Variants in RIMKLB observed in about 807,000 individuals in gnomAD.
RIMKLB encodes beta-citrylglutamate synthase B.
A neutral mutation model predicts 32.0 loss-of-function variants in RIMKLB; 7 were observed. The observed-to-expected ratio is 0.22, with a 90% CI of 0.12 to 0.41. RIMKLB has a LOEUF of 0.41. Ranked by LOEUF, RIMKLB falls within the 10% of genes least tolerant of loss-of-function variation. The probability of loss-of-function intolerance (pLI) is 1.00; values close to 1 mark genes in which losing one functional copy is unlikely to be tolerated. For synonymous variants in RIMKLB, 172 were observed against 185.1 expected (o/e 0.93, Z 0.57); for missense variants, 289 against 498.7 (o/e 0.58, Z 4.00).
upstream of RIMKLB, among the ~76,000 whole-genome samples, chr12:8,694,954 GACTT>G (rs1010830286): frequency 5.3e-5 from 8 of 152,120 alleles, no homozygotes; most frequent in African/African-American, 1.7e-4. Flanking sequence ...CATTCACTGA[GACTT>G]ACTATGTTAT....
chr12:8,748,237 A>G (rs1407772363), intron 2 of RIMKLB, among the ~76,000 whole-genome samples: 1 of 152,090 alleles, frequency 6.6e-6, no homozygotes, highest in Non-Finnish European at 1.5e-5. Context: ...TTTGCTTCCC[A>G]TGGTTTTGCA....
At chr12:8,770,090 G>A (rs1349693536) in intron 5 of RIMKLB, among the ~76,000 whole-genome samples, 1 of 150,956 alleles carries the variant, frequency 6.6e-6, no homozygotes, top group African/African-American at 2.4e-5. Flanking sequence ...CTCCTATCTT[G>A]GCCTCCCACA....
chr12:8,676,992 C>G (rs980157820), upstream of RIMKLB, among the ~76,000 whole-genome samples: 2 of 152,124 alleles, frequency 1.3e-5, no homozygotes, highest in African/African-American at 2.4e-5. Flanking sequence ...TAGTCCACAC[C>G]AAGAAATCAG....
chr12:8,673,923 A>T, the RIMKLB span, among the ~76,000 whole-genome samples: 1 of 152,042 alleles, frequency 6.6e-6, no homozygotes, highest in Non-Finnish European at 1.5e-5. Context: ...CAGCACAATC[A>T]TGGGTTGAGA....
Position 8,758,051 on chromosome 12 carries a change from C to G in RIMKLB, c.697+3958C>G, listed in dbSNP as rs1207108110. ...GCTCAAGCTATCCTCCTGCCTCTTG[C>G]CTCCCTGAGAGCTGGGATTACAGGC... On this transcript the variant is annotated intron_variant, in intron 5 of 5. Coordinates refer to ENST00000535829, the MANE Select transcript of RIMKLB (RefSeq NM_001297776.2). Among the ~76,000 whole-genome samples, 3 of 151,938 alleles carry G rather than the reference C, an allele frequency of 2.0e-5. No homozygotes were observed. In the East Asian group the frequency reaches 5.8e-4, roughly 29 times the overall value.
chr12:8,770,817 C>T (rs757515447), intron 5 of RIMKLB, among the ~76,000 whole-genome samples: 1 of 152,352 alleles, frequency 6.6e-6, no homozygotes, highest in South Asian at 2.1e-4. Context: ...TCACCCCCTT[C>T]AGACACCAGT....
chr12:8,767,842 T>G (rs1449297287), intron 5 of RIMKLB, among the ~76,000 whole-genome samples: 1 of 152,202 alleles, frequency 6.6e-6, no homozygotes, highest in African/African-American at 2.4e-5. Flanking sequence ...CTAATTATTT[T>G]TAACCAGCTG....
intron 2 of RIMKLB, among the ~76,000 whole-genome samples, chr12:8,725,101 C>A (rs1352178845): frequency 6.6e-6 from 1 of 152,116 alleles, no homozygotes; most frequent in Non-Finnish European, 1.5e-5. Flanking sequence ...TCTTATTTCA[C>A]CAGCTTGCTA....
At chr12:8,723,357 C>T (rs974244614) in intron 2 of RIMKLB, among the ~76,000 whole-genome samples, 1 of 152,058 alleles carries the variant, frequency 6.6e-6, no homozygotes, top group Admixed American at 6.5e-5. Flanking sequence ...AGTTTGCCCT[C>T]TATGTGGTTG....
intron 1 of RIMKLB, among the ~76,000 whole-genome samples, chr12:8,684,904 T>G (rs767692617): frequency 3.3e-5 from 5 of 152,240 alleles, no homozygotes; most frequent in African/African-American, 1.2e-4. Flanking sequence ...ATTACAGGCG[T>G]GAGCAACCGC....
intron 5 of RIMKLB, among the ~76,000 whole-genome samples, chr12:8,762,834 C>T (rs919903024): frequency 5.3e-5 from 8 of 152,154 alleles, no homozygotes; most frequent in Non-Finnish European, 2.9e-5. Context: ...AAGGAACTTC[C>T]ATCAGTATAC....
intron 2 of RIMKLB, among the ~76,000 whole-genome samples, chr12:8,737,415 A>G (rs543418907): frequency 6.6e-6 from 1 of 152,300 alleles, no homozygotes; most frequent in Admixed American, 6.5e-5. Context: ...GCTGTACTTC[A>G]TAATTCTTTA....
intron 2 of RIMKLB, among the ~76,000 whole-genome samples, chr12:8,730,613 C>T (rs1316690792): frequency 6.6e-6 from 1 of 152,196 alleles, no homozygotes; most frequent in African/African-American, 2.4e-5. Flanking sequence ...CCTACACCCT[C>T]CAATTTTACG....
At chr12:8,703,456 T>G (rs1248140281) in intron 1 of RIMKLB, among the ~76,000 whole-genome samples, 1 of 152,186 alleles carries the variant, frequency 6.6e-6, no homozygotes, top group African/African-American at 2.4e-5. Context: ...GCCTCTTTAG[T>G]GGCTGACACC....
Position 8,773,405 on chromosome 12 carries a change from G to C in RIMKLB, c.782G>C (p.Cys261Ser). The change falls in exon 6 of 6, where the codon TGT becomes TCT. Residue 261 changes from cysteine (C) to serine (S), a missense_variant. Cys to Ser is a moderately radical substitution (Grantham distance 112, BLOSUM62 -1). Around this residue, in one of 3 missense-constraint regions of RIMKLB, gnomAD observed 156 missense variants for 329.5 expected, o/e 0.47. Transcript: ENST00000535829. ...TCTAATATCCTGGGGATGGATGTGTGTGGCATTGATCTGCTGATGAAAGAT... is the reference window on the plus strand; with the variant it reads ...TCTAATATCCTGGGGATGGATGTGTCTGGCATTGATCTGCTGATGAAAGAT... ...QVSNILGMDV[C>S]GIDLLMKDDG... 6.2e-7 allele frequency: 1 copy of C among 1,614,192 alleles called. No homozygotes were observed. Among genetic ancestry groups the C allele is most frequent in the Non-Finnish European group, 8.5e-7 (1 of 1,179,988 alleles).
chr12:8,750,781 G>T (rs1002158684), intron 3 of RIMKLB, among the ~76,000 whole-genome samples: 3 of 152,030 alleles, frequency 2.0e-5, no homozygotes, highest in Non-Finnish European at 4.4e-5. Context: ...TCCTATCCAG[G>T]CATAGGTTAC....
chr12:8,740,685 T>C (rs1484954643), intron 2 of RIMKLB, among the ~76,000 whole-genome samples: 2 of 152,252 alleles, frequency 1.3e-5, no homozygotes, highest in African/African-American at 4.8e-5. Flanking sequence ...AAAGAGCATA[T>C]GTCTACTTTT....
chr12:8,714,058 A>G lies in RIMKLB; in HGVS notation c.175+17A>G, dbSNP rs751487956. Reference sequence around the variant, plus strand: ...GAAACCTGGGTAAGTCTGTATACTAAGTGATCTTTTGGATTTTTACCTAGA... The same window carrying G: ...GAAACCTGGGTAAGTCTGTATACTAGGTGATCTTTTGGATTTTTACCTAGA... On this transcript the variant is annotated intron_variant, in intron 2 of 5. Transcript: ENST00000535829. 6.2e-7 allele frequency: 1 copy of G among 1,609,600 alleles called. No individual in the cohort carries two copies. Among genetic ancestry groups the G allele is most frequent in the Admixed American group, 1.7e-5 (1 of 59,832 alleles).
At chr12:8,740,757 G>C (rs1448206352) in intron 2 of RIMKLB, among the ~76,000 whole-genome samples, 2 of 152,156 alleles carry the variant, frequency 1.3e-5, no homozygotes, top group Non-Finnish European at 2.9e-5. Flanking sequence ...ACCTAACAGT[G>C]ATAACTGAGC....
Sources: gnomAD v4.1 joint callset for allele counts (sites outside exome capture counted in the v4.1 genomes callset) on GRCh38, gnomAD v4.1.1 for gene constraint, gnomAD v4.1.1 regional missense constraint, MANE v1.5 for transcripts, NCBI Gene and HGNC (gene_info 2026-07-23, HGNC 2026-07-21) for gene names.